Variants in TSPAN9 observed in about 807,000 individuals in gnomAD.
The protein encoded by TSPAN9 is tetraspanin-9.
TSPAN9 carries 16 observed loss-of-function variants against 31.0 expected under a neutral mutation model. The observed-to-expected ratio is 0.52, with a 90% CI of 0.35 to 0.78. TSPAN9 has a LOEUF of 0.78. Ranked by LOEUF, TSPAN9 falls within the 30% of genes least tolerant of loss-of-function variation. The pLI, the probability that TSPAN9 is intolerant of heterozygous loss-of-function variation, is 0.01. For synonymous variants in TSPAN9, 145 were observed against 121.6 expected, an observed-to-expected ratio of 1.19 and a Z score of -1.27; for missense variants, 272 against 312.5, an observed-to-expected ratio of 0.87 and a Z score of 0.98.
At chr12:3,145,511 G>A (rs2098336741) in intron 2 of TSPAN9, among the ~76,000 whole-genome samples, 1 of 152,168 alleles carries the variant, frequency 6.6e-6, no homozygotes, top group Non-Finnish European at 1.5e-5. Flanking sequence ...AGTACATCTT[G>A]CTGAGTTTGG....
At chr12:3,118,069 CTCT>C (rs1238300330) in intron 2 of TSPAN9, among the ~76,000 whole-genome samples, 2 of 132,526 alleles carry the variant, frequency 1.5e-5, no homozygotes, top group African/African-American at 2.7e-5. Context: ...CTATTTAAGA[CTCT>C]TTTTCTCGCC....
In TSPAN9 at chr12:3,192,436, G is replaced by A. The variant is rs577803295; in HGVS notation, c.-17-8741G>A. Among the ~76,000 whole-genome samples, 3 of 152,290 alleles carry A rather than the reference G, an allele frequency of 2.0e-5. No individual in the cohort carries two copies. The highest frequency in any genetic ancestry group is 7.2e-5 in the African/African-American group (3 of 41,552). On this transcript the variant is annotated intron_variant, in intron 2 of 8. Transcript: ENST00000011898. This position sits in a 1 kb window ranked among gnomAD's most constrained non-coding sequence, Gnocchi z 4.6. ...AGGATGCCAGGTGCAGGGAGGCTCT[G>A]CGGCTTGGACTTGTGTTTGCTTCGA...
At chr12:3,109,309 T>A (rs368332101) in intron 2 of TSPAN9, among the ~76,000 whole-genome samples, 4,692 of 106,862 alleles carry the variant, frequency 0.044, 169 homozygotes, top group African/African-American at 0.13. Flanking sequence ...TGAGAGAGAG[T>A]GTGTGTGTGT....
chr12:3,160,509 C>A (rs1022250083), intron 2 of TSPAN9, among the ~76,000 whole-genome samples: 1 of 152,174 alleles, frequency 6.6e-6, no homozygotes, highest in Non-Finnish European at 1.5e-5. Context: ...TTTGAGGAAC[C>A]ACCGAACTGG....
chr12:3,157,938 G>C (rs2153969170), intron 2 of TSPAN9, among the ~76,000 whole-genome samples: 1 of 152,242 alleles, frequency 6.6e-6, no homozygotes, highest in Middle Eastern at 3.4e-3. Context: ...ACGCACCCGG[G>C]CTTTTGTTCA....
chr12:3,150,523 T>G (rs544949962), intron 2 of TSPAN9, among the ~76,000 whole-genome samples: 2 of 152,220 alleles, frequency 1.3e-5, no homozygotes, highest in Non-Finnish European at 2.9e-5. Flanking sequence ...CTGAGGCTGA[T>G]ATATACGCAC....
rs190221065 is a variant in TSPAN9 at position 3,273,431 on chromosome 12, G to C, written c.64-4990G>C. 5.0e-3 allele frequency among the ~76,000 whole-genome samples: 763 copies of C among 152,274 alleles called. 4 individuals carry two copies. Among genetic ancestry groups the C allele is most frequent in the African/African-American group, 0.018 (731 of 41,550 alleles). On this transcript the variant is annotated intron_variant, in intron 3 of 8. Coordinates refer to ENST00000011898, the MANE Select transcript of TSPAN9 (RefSeq NM_006675.5). The stretch of plus-strand genomic sequence containing the variant: ...GGCCTGGACCACACCAGGAGTGGCT[G>C]GTGACCTTCTGCGGGTTGGTGCTAG...
At chr12:3,096,090 C>T (rs931407384) in intron 2 of TSPAN9, among the ~76,000 whole-genome samples, 3 of 152,118 alleles carry the variant, frequency 2.0e-5, no homozygotes, top group Non-Finnish European at 4.4e-5. Flanking sequence ...AGCTCCGCTG[C>T]CCGCTGAACT....
intron 3 of TSPAN9, among the ~76,000 whole-genome samples, chr12:3,274,225 G>A (rs1236669628): frequency 6.6e-6 from 1 of 152,210 alleles, no homozygotes; most frequent in Non-Finnish European, 1.5e-5. Flanking sequence ...TGTTCCCTGG[G>A]GAGCAGAATT....
intron 3 of TSPAN9, among the ~76,000 whole-genome samples, chr12:3,273,404 C>A (rs1167016972): frequency 6.6e-6 from 1 of 152,178 alleles, no homozygotes; most frequent in Non-Finnish European, 1.5e-5. Context: ...GGGCATCAAT[C>A]AGGCCTGGAC....
chr12:3,171,166 C>G (rs1412174749), intron 2 of TSPAN9, among the ~76,000 whole-genome samples: 3 of 152,088 alleles, frequency 2.0e-5, no homozygotes, highest in African/African-American at 4.8e-5. Flanking sequence ...AGCAGCTGCC[C>G]CTGCCCAGTC....
chr12:3,186,546 T>TTGTGTGTG lies in TSPAN9; in HGVS notation c.-17-14607_-17-14600dup, dbSNP rs61329208. On this transcript the variant is annotated intron_variant, in intron 2 of 8. Coordinates refer to ENST00000011898, the MANE Select transcript of TSPAN9 (RefSeq NM_006675.5). ...TGGAGTGAGTGGGCCAGGAGTTTGT[T>TTGTGTGTG]TGTGTGTGTGTGTGTGTGTGTGTGT... Among the ~76,000 whole-genome samples the TTGTGTGTG allele has an allele frequency of 6.3e-3, 850 of 135,946 alleles. 6 individuals are homozygous for TTGTGTGTG. Among genetic ancestry groups the TTGTGTGTG allele is most frequent in the African/African-American group, 9.8e-3 (360 of 36,882 alleles). 89.2% of individuals were successfully genotyped at this position (135,946 alleles called of 152,430 possible).
intron 3 of TSPAN9, chr12:3,215,334 C>CTT (rs1214745517): frequency 3.3e-5 from 5 of 152,330 alleles, no homozygotes; most frequent in African/African-American, 1.2e-4. Flanking sequence ...CTGGGAGGAT[C>CTT]TTTGACTTCA....
chr12:3,085,325 A>T (rs1464309372), intron 2 of TSPAN9, among the ~76,000 whole-genome samples: 1 of 151,732 alleles, frequency 6.6e-6, no homozygotes, highest in Non-Finnish European at 1.5e-5. Context: ...TGCCAGACAG[A>T]ACTTGGTGAA....
rs552845319 is a variant in TSPAN9, at chr12:3,116,772, C to T, written c.-18+33053C>T. Among the ~76,000 whole-genome samples, 33 of 152,298 alleles carry T rather than the reference C, an allele frequency of 2.2e-4. 1 individual carries two copies. The South Asian group carries it at 6.8e-3, about 32-fold the overall frequency. On this transcript the variant is annotated intron_variant, in intron 2 of 8. Coordinates refer to ENST00000011898, the MANE Select transcript of TSPAN9 (RefSeq NM_006675.5). ...GGGAGCGCGCGCCTGCCCTGTCGTC[C>T]GCATGACAACCTGGGAGTATTTGAC... is the stretch of plus-strand genomic sequence containing the variant.
chr12:3,201,225 A>G lies in TSPAN9; in HGVS notation c.32A>G (p.Tyr11Cys). The change falls in exon 3 of 9, where the codon TAC becomes TGC. Residue 11 changes from tyrosine to cysteine, a missense_variant. Tyr to Cys is a radical substitution (Grantham distance 194, BLOSUM62 -2). Transcript: ENST00000011898. Reference protein sequence around the residue: MARGCLCCLKYMMFLFNLIFW... With the variant: MARGCLCCLKCMMFLFNLIFW... ...AGGGGCTGCCTCTGCTGCTTGAAGT[A>G]CATGATGTTCCTCTTCAATTTGATA... 1.2e-6 allele frequency: 2 copies of G among 1,614,122 alleles called. No individual in the cohort carries two copies. The highest frequency in any genetic ancestry group is 1.7e-6 in the Non-Finnish European group (2 of 1,180,008).
intron 2 of TSPAN9, among the ~76,000 whole-genome samples, chr12:3,113,731 C>T (rs879448161): frequency 2.0e-5 from 3 of 152,178 alleles, no homozygotes; most frequent in Non-Finnish European, 4.4e-5. Context: ...GTGCCAGCTG[C>T]CATGCATGCC....
chr12:3,218,885 C>T (rs563682689), intron 3 of TSPAN9, among the ~76,000 whole-genome samples: 182 of 152,300 alleles, frequency 1.2e-3, no homozygotes, highest in African/African-American at 4.2e-3. Context: ...CCCCGGCAAT[C>T]CATCCTCTGG....
intron 3 of TSPAN9, chr12:3,273,234 G>A (rs1862718140): frequency 6.6e-6 from 1 of 152,388 alleles, no homozygotes; most frequent in East Asian, 1.9e-4. Context: ...CCTCAAGGAG[G>A]CCATTGGCAA....
Sources: gnomAD v4.1 joint callset for allele counts (sites outside exome capture counted in the v4.1 genomes callset) on GRCh38, gnomAD v4.1.1 for gene constraint, Gnocchi (gnomAD v3.1) non-coding constraint, MANE v1.5 for transcripts, NCBI Gene and HGNC (gene_info 2026-07-23, HGNC 2026-07-21) for gene names.